RPS6KA2: variants seen among roughly 807,000 people sequenced by gnomAD.
RPS6KA2 encodes the protein ribosomal protein S6 kinase A2.
A neutral mutation model predicts 91.8 loss-of-function variants in RPS6KA2; 42 were observed. That is an observed-to-expected ratio of 0.46 (90% CI 0.36 to 0.59). The LOEUF (loss-of-function observed/expected upper bound fraction) is 0.59, where lower values mean the gene tolerates loss of function less well. Ranked by LOEUF, RPS6KA2 falls within the 20% of genes least tolerant of loss-of-function variation. The pLI is 0.00. For missense variants in RPS6KA2, 798 were observed against 978.5 expected, an observed-to-expected ratio of 0.82 and a Z score of 2.46; for synonymous variants, 414 against 393.6, an observed-to-expected ratio of 1.05 and a Z score of -0.61.
chr6:166,473,037 T>G (rs1055221208), intron 10 of RPS6KA2, among the ~76,000 whole-genome samples: 1 of 152,176 alleles, frequency 6.6e-6, no homozygotes, highest in Non-Finnish European at 1.5e-5. Context: ...TCCTGTTTGT[T>G]TAAATGGCTT....
intron 2 of RPS6KA2, among the ~76,000 whole-genome samples, chr6:166,536,572 G>A (rs1401341676): frequency 6.6e-6 from 1 of 152,168 alleles, no homozygotes; most frequent in East Asian, 1.9e-4. Flanking sequence ...ACGCTTTTGA[G>A]AATAGTATCT....
intron 1 of RPS6KA2, among the ~76,000 whole-genome samples, chr6:166,621,349 T>C (rs1229686008): frequency 6.6e-6 from 1 of 152,200 alleles, no homozygotes; most frequent in South Asian, 2.1e-4. Context: ...ACCATTATTT[T>C]CCCCTAGCTA....
At chr6:166,551,366 T>C (rs1408774799) in intron 1 of RPS6KA2, among the ~76,000 whole-genome samples, 2 of 152,248 alleles carry the variant, frequency 1.3e-5, no homozygotes, top group Non-Finnish European at 2.9e-5. Context: ...ATTCCGGATC[T>C]CCTTGAGAGA....
rs534033302 is a variant in RPS6KA2 at position 166,471,236 on chromosome 6, G to A, written c.908-1331C>T. ...AGCACAGGTGTGGCCCGGCCTGTCC[G>A]GCTGGAAGCTGGCCTGGAGTGGCGC... On this transcript the variant is annotated intron_variant, in intron 10 of 20. Coordinates refer to ENST00000265678, the MANE Select transcript of RPS6KA2 (RefSeq NM_021135.6). 7.2e-5 allele frequency among the ~76,000 whole-genome samples: 11 copies of A among 152,314 alleles called. No individual in the cohort carries two copies. The East Asian group carries it at 7.7e-4, about 11-fold the overall frequency.
chr6:166,797,328 A>G (rs943201227), intron 2 of RPS6KA2, among the ~76,000 whole-genome samples: 12 of 151,406 alleles, frequency 7.9e-5, no homozygotes, highest in Non-Finnish European at 1.5e-4. Flanking sequence ...TTTTAGAATC[A>G]GTGGCATGAC....
At chr6:166,524,246 C>T (rs1449204544) in intron 3 of RPS6KA2, among the ~76,000 whole-genome samples, 2 of 152,196 alleles carry the variant, frequency 1.3e-5, no homozygotes, top group Admixed American at 1.3e-4. Context: ...CTCCTCTAGG[C>T]TGAGAAAGTT....
At chr6:166,760,384 C>A (rs1778133625) in intron 2 of RPS6KA2, among the ~76,000 whole-genome samples, 1 of 152,188 alleles carries the variant, frequency 6.6e-6, no homozygotes, top group Non-Finnish European at 1.5e-5. Context: ...AGGAAAAATA[C>A]CCAAGTCAAG....
At chr6:166,417,678 G>T (rs1309112659) in intron 19 of RPS6KA2, among the ~76,000 whole-genome samples, 1 of 151,584 alleles carries the variant, frequency 6.6e-6, no homozygotes, top group African/African-American at 2.4e-5. Context: ...TTGTTTCTTT[G>T]GAGAACCCTG....
chr6:166,640,796 G>A (rs1787405904), intron 2 of RPS6KA2, among the ~76,000 whole-genome samples: 1 of 150,570 alleles, frequency 6.6e-6, no homozygotes, highest in Non-Finnish European at 1.5e-5. Flanking sequence ...CAGAGGTTCA[G>A]TGGGGGGCCA....
chr6:166,630,066 T>G (rs781647594), upstream of RPS6KA2, among the ~76,000 whole-genome samples: 1 of 152,186 alleles, frequency 6.6e-6, no homozygotes, highest in Non-Finnish European at 1.5e-5. Context: ...GGAGATGGCC[T>G]TTGCTCTGAA....
Position 166,459,987 on chromosome 6 carries a change from G to T in RPS6KA2, c.973-436C>A, listed in dbSNP as rs1562508632. Among the ~76,000 whole-genome samples, 1 of 152,172 alleles carries T rather than the reference G, an allele frequency of 6.6e-6. No homozygotes were observed. The highest frequency in any genetic ancestry group is 1.5e-5 in the Non-Finnish European group (1 of 68,034). On this transcript the variant is annotated intron_variant, in intron 11 of 20. Transcript: ENST00000265678. The surrounding 1 kb of genome is among the most constrained non-coding windows in gnomAD (Gnocchi z 4.9). ...TCTCTCCTCCCTGCCCTGGGACTTT[G>T]GGGCCAGCACCACGGAACTTCAGCT...
chr6:166,512,170 G>A, intron 3 of RPS6KA2, among the ~76,000 whole-genome samples: 1 of 152,124 alleles, frequency 6.6e-6, no homozygotes, highest in East Asian at 1.9e-4. Context: ...CTAACACACA[G>A]TATGAATGAA....
intron 3 of RPS6KA2, among the ~76,000 whole-genome samples, chr6:166,524,048 T>C (rs1782945372): frequency 1.3e-5 from 2 of 152,132 alleles, no homozygotes; most frequent in African/African-American, 4.8e-5. Context: ...CCTAGGCCCA[T>C]TCCAGCATCT....
At chr6:166,564,173 G>C (rs1440837716) in intron 1 of RPS6KA2, among the ~76,000 whole-genome samples, 2 of 152,162 alleles carry the variant, frequency 1.3e-5, no homozygotes, top group East Asian at 3.8e-4. Context: ...GAAGCAGTGA[G>C]GCTGAGTTTT....
chr6:166,439,480 C>T (rs1353959788), intron 14 of RPS6KA2, among the ~76,000 whole-genome samples: 3 of 152,234 alleles, frequency 2.0e-5, no homozygotes, highest in African/African-American at 7.2e-5. Context: ...TAAGGAGCCC[C>T]TTCATTGTGT....
Position 166,698,398 on chromosome 6 carries a change from G to A in RPS6KA2, c.124-159614C>T, listed in dbSNP as rs562395844. Among the ~76,000 whole-genome samples the A allele has an allele frequency of 5.6e-4, 85 of 152,342 alleles. 1 individual carries two copies. In the South Asian group the frequency reaches 0.017, roughly 31 times the overall value. ...CTGGAGAGAATGCTGGCCAGTGGAAGTCAGGCTGAGGTCAATGGAGAAGGT... is the reference window on the plus strand; with the variant it reads ...CTGGAGAGAATGCTGGCCAGTGGAAATCAGGCTGAGGTCAATGGAGAAGGT... On this transcript the variant is annotated intron_variant, in intron 2 of 21. Coordinates refer to the RPS6KA2 transcript ENST00000503859.
In RPS6KA2 at chr6:166,435,854, G is replaced by A. The variant is rs372965398; in HGVS notation, c.1333-3364C>T. ...GAGGGCTGGAAAGGTGGAGGAAGGCGTTGCTCCTGGGGAGGCCACGTGCTG... is the reference window on the plus strand; with the variant it reads ...GAGGGCTGGAAAGGTGGAGGAAGGCATTGCTCCTGGGGAGGCCACGTGCTG... On this transcript the variant is annotated intron_variant, in intron 14 of 20. Transcript: ENST00000265678. This position sits in a 1 kb window ranked among gnomAD's most constrained non-coding sequence, Gnocchi z 4.3. 5.3e-5 allele frequency among the ~76,000 whole-genome samples: 8 copies of A among 152,366 alleles called. No homozygotes were observed. The highest frequency in any genetic ancestry group is 3.4e-3 in the Middle Eastern group (1 of 294).
intron 2 of RPS6KA2, among the ~76,000 whole-genome samples, chr6:166,749,739 C>A (rs1229509434): frequency 8.2e-6 from 1 of 121,988 alleles, no homozygotes; most frequent in African/African-American, 3.6e-5. Flanking sequence ...CCCTTGGGCC[C>A]CTCTTCCTCA....
intron 14 of RPS6KA2, among the ~76,000 whole-genome samples, chr6:166,447,041 T>C (rs1055267434): frequency 1.3e-5 from 2 of 152,218 alleles, no homozygotes; most frequent in African/African-American, 2.4e-5. Context: ...GGTATGCAGA[T>C]GGTAGGCGCC....
Sources: allele counts gnomAD v4.1 joint callset (sites outside exome capture counted in the v4.1 genomes callset), GRCh38; gene constraint gnomAD v4.1.1; non-coding constraint Gnocchi (gnomAD v3.1); transcripts MANE v1.5; gene names NCBI Gene and HGNC (gene_info 2026-07-23, HGNC 2026-07-21).